Variants in DHRSX observed in about 807,000 individuals in gnomAD.
The protein encoded by DHRSX is polyprenol dehydrogenase.
DHRSX carries 31 observed loss-of-function variants against 34.0 expected under a neutral mutation model. That is an observed-to-expected ratio of 0.91 (90% CI 0.69 to 1.23). DHRSX has a LOEUF of 1.23. Among genes scored for constraint, DHRSX ranks in the 50% most tolerant of loss-of-function variants. DHRSX has a pLI of 0.00. For synonymous variants in DHRSX, 201 were observed against 183.8 expected (o/e 1.09, Z -0.76); for missense variants, 414 against 428.1 (o/e 0.97, Z 0.29).
chrX:2,475,541 A>G (rs2044666393), intron 1 of DHRSX, among the ~76,000 whole-genome samples: 1 of 151,906 alleles, frequency 6.6e-6, no homozygotes, highest in African/African-American at 2.4e-5. Flanking sequence ...TTCCCTAAGC[A>G]TGTGGCTAAG....
chrX:2,451,839 G>C (rs753162015), intron 1 of DHRSX, among the ~76,000 whole-genome samples: 1 of 152,326 alleles, frequency 6.6e-6, no homozygotes, highest in African/African-American at 2.4e-5. Flanking sequence ...ATGCGGCCAA[G>C]GGACTGCTGC....
intron 3 of DHRSX, among the ~76,000 whole-genome samples, chrX:2,293,821 T>TG (rs2041896030): frequency 6.6e-6 from 1 of 151,780 alleles, no homozygotes; most frequent in African/African-American, 2.4e-5. Context: ...GTGTGTGTGG[T>TG]GGGGGGAGGG....
intron 6 of DHRSX, among the ~76,000 whole-genome samples, chrX:2,230,165 G>T (rs978318280): frequency 6.6e-6 from 1 of 152,080 alleles, no homozygotes; most frequent in Non-Finnish European, 1.5e-5. Context: ...TGTGGGAGGG[G>T]TGCAGGTGCG....
At chrX:2,414,554 A>G (rs1232473998) in intron 2 of DHRSX, among the ~76,000 whole-genome samples, 1 of 151,866 alleles carries the variant, frequency 6.6e-6, no homozygotes, top group Non-Finnish European at 1.5e-5. Context: ...TGACCTAATT[A>G]TATCTCATCA....
At chrX:2,396,535 G>A (rs894302712) in intron 3 of DHRSX, among the ~76,000 whole-genome samples, 4 of 151,420 alleles carry the variant, frequency 2.6e-5, no homozygotes, top group South Asian at 2.1e-4. Flanking sequence ...CCGCCACCAC[G>A]CCTGGCTAAT....
At chrX:2,311,697 G>A (rs2042167315) in intron 3 of DHRSX, among the ~76,000 whole-genome samples, 1 of 152,142 alleles carries the variant, frequency 6.6e-6, no homozygotes, top group South Asian at 2.1e-4. Context: ...CTTGTGAAGA[G>A]CTTTCAAGAA....
At chrX:2,482,281 C>A (rs1486484729) in intron 1 of DHRSX, among the ~76,000 whole-genome samples, 2 of 152,166 alleles carry the variant, frequency 1.3e-5, no homozygotes, top group Admixed American at 6.5e-5. Context: ...AAATGCACAC[C>A]TTATGTCCAG....
At chrX:2,233,059 AAAAG>A (rs71973986) in intron 6 of DHRSX, among the ~76,000 whole-genome samples, 4,639 of 151,356 alleles carry the variant, frequency 0.031, 254 homozygotes, top group African/African-American at 0.11. Context: ...GTTGTTAAGA[AAAAG>A]AAAGAAAGAA....
Position 2,229,187 on chromosome X carries a change from C to T in DHRSX, c.805-7958G>A, listed in dbSNP as rs1172645645. Among the ~76,000 whole-genome samples, 13 of 152,278 alleles carry T rather than the reference C, an allele frequency of 8.5e-5. No homozygotes were observed. The South Asian group carries it at 1.7e-3, about 19-fold the overall frequency. ...CACCGTCCACATCTTAGGGCAGAAACTCACACTCAGGGAAGTGGCTGGCAA... is the reference window on the plus strand; with the variant it reads ...CACCGTCCACATCTTAGGGCAGAAATTCACACTCAGGGAAGTGGCTGGCAA... On this transcript the variant is annotated intron_variant, in intron 6 of 6. Coordinates refer to ENST00000334651, the MANE Select transcript of DHRSX (RefSeq NM_145177.3).
intron 3 of DHRSX, among the ~76,000 whole-genome samples, chrX:2,310,243 A>C (rs1252194516): frequency 7.2e-5 from 11 of 152,098 alleles, no homozygotes; most frequent in Non-Finnish European, 1.2e-4. Flanking sequence ...AGCAGGGACG[A>C]AGCTCATGAT....
chrX:2,438,673 A>T (rs1023437938), intron 1 of DHRSX, among the ~76,000 whole-genome samples: 8 of 7,070 alleles, frequency 1.1e-3, no homozygotes, highest in African/African-American at 4.0e-3. Context: ...ATCTCAAAAT[A>T]AAAAAAAAAA....
chrX:2,266,991 A>G (rs1428308066), intron 4 of DHRSX, 44 bp from the exon 5 acceptor site: 1 of 1,599,330 alleles, frequency 6.3e-7, no homozygotes, highest in East Asian at 2.2e-5. Flanking sequence ...TGGGGAAGAC[A>G]GTGGAGAAAT....
At chrX:2,384,314 G>C (rs1175314628) in intron 3 of DHRSX, among the ~76,000 whole-genome samples, 1 of 152,184 alleles carries the variant, frequency 6.6e-6, no homozygotes, top group Non-Finnish European at 1.5e-5. Flanking sequence ...TGGAAGCAGG[G>C]AGGTGTAGGA....
chrX:2,320,287 ACTTTT>A (rs912131833), intron 3 of DHRSX, among the ~76,000 whole-genome samples: 17 of 111,952 alleles, frequency 1.5e-4, no homozygotes, highest in South Asian at 3.2e-4. Context: ...CCCTATGTGG[ACTTTT>A]CTTTTCTTTT....
chrX:2,474,650 A>C (rs6641584), intron 1 of DHRSX, among the ~76,000 whole-genome samples: 61,719 of 144,930 alleles, frequency 0.43, 12,885 homozygotes, highest in African/African-American at 0.53. Flanking sequence ...CCTAACAATG[A>C]GGCCAAGGGA....
intron 5 of DHRSX, among the ~76,000 whole-genome samples, chrX:2,252,778 G>C (rs915134338): frequency 2.0e-5 from 3 of 152,180 alleles, no homozygotes; most frequent in African/African-American, 7.2e-5. Flanking sequence ...CCTGGGGTGG[G>C]GGTTAGGGAT....
intron 3 of DHRSX, among the ~76,000 whole-genome samples, chrX:2,326,470 C>T (rs2042387664): frequency 6.6e-6 from 1 of 152,078 alleles, no homozygotes; most frequent in Admixed American, 6.6e-5. Context: ...TTGTAGTGAG[C>T]CCAGATCGCA....
At chrX:2,249,076 T>C (rs62595486) in intron 5 of DHRSX, among the ~76,000 whole-genome samples, 107,691 of 151,778 alleles carry the variant, frequency 0.71, 39,537 homozygotes, top group African/African-American at 0.8. Flanking sequence ...ATTTCCACTG[T>C]GAAGAACATG....
intron 3 of DHRSX, among the ~76,000 whole-genome samples, chrX:2,389,535 T>C (rs1337886428): frequency 6.6e-6 from 1 of 152,160 alleles, no homozygotes; most frequent in Non-Finnish European, 1.5e-5. Flanking sequence ...GTGCTTGGCG[T>C]GCTGGACACG....
Sources: allele counts gnomAD v4.1 joint callset (sites outside exome capture counted in the v4.1 genomes callset), GRCh38; gene constraint gnomAD v4.1.1; transcripts MANE v1.5; gene names NCBI Gene and HGNC (gene_info 2026-07-23, HGNC 2026-07-21).